CADPS: variants seen among roughly 807,000 people sequenced by gnomAD.
The protein encoded by CADPS is calcium dependent secretion activator.
CADPS carries 57 observed loss-of-function variants against 167.3 expected under a neutral mutation model. That is an observed-to-expected ratio of 0.34 (90% CI 0.28 to 0.42). CADPS has a LOEUF of 0.42. CADPS is among the 20% of genes least tolerant of loss of function. The probability of loss-of-function intolerance (pLI) is 1.00; values close to 1 mark genes in which losing one functional copy is unlikely to be tolerated. For synonymous variants in CADPS, 676 were observed against 635.3 expected (o/e 1.06, Z -0.96); for missense variants, 1,414 against 1,738.1 (o/e 0.81, Z 3.32).
intron 6 of CADPS, among the ~76,000 whole-genome samples, chr3:62,599,711 A>AATATACATAGT (rs2059494122): frequency 9.7e-5 from 4 of 41,372 alleles, no homozygotes; most frequent in Non-Finnish European, 1.5e-4. Context: ...TATATTATAT[A>AATATACATAGT]ATATATAATA....
At chr3:62,835,433 T>C (rs757470767) in intron 1 of CADPS, among the ~76,000 whole-genome samples, 7 of 152,194 alleles carry the variant, frequency 4.6e-5, no homozygotes, top group Non-Finnish European at 8.8e-5. Context: ...TCACGATGTG[T>C]CTGCAAAATG....
At chr3:62,789,918 T>C (rs2092786284) in intron 1 of CADPS, among the ~76,000 whole-genome samples, 1 of 152,120 alleles carries the variant, frequency 6.6e-6, no homozygotes, top group South Asian at 2.1e-4. Context: ...GCCCACTATG[T>C]GTTTGGTCCT....
intron 28 of CADPS, among the ~76,000 whole-genome samples, chr3:62,426,863 C>T (rs894837202): frequency 2.7e-5 from 4 of 150,456 alleles, no homozygotes; most frequent in Admixed American, 6.6e-5. Context: ...GTCAGGAGAT[C>T]GAGACCATAC....
intron 1 of CADPS, among the ~76,000 whole-genome samples, chr3:62,771,137 C>G (rs1004304731): frequency 6.6e-6 from 1 of 152,166 alleles, no homozygotes; most frequent in Non-Finnish European, 1.5e-5. Flanking sequence ...GTCTTGTTTA[C>G]TGTTGTACTT....
chr3:62,661,349 G>T (rs1431159555), intron 4 of CADPS, among the ~76,000 whole-genome samples: 1 of 144,352 alleles, frequency 6.9e-6, no homozygotes, highest in Non-Finnish European at 1.5e-5. Flanking sequence ...TTTAAGTCAG[G>T]TACTGAAGGC....
At position 62,450,689 on chromosome 3, in the gene CADPS, G is replaced by A. The variant is rs376516758; in HGVS notation, c.3637-4892C>T. 5.9e-5 allele frequency among the ~76,000 whole-genome samples: 9 copies of A among 152,340 alleles called. No homozygotes were observed. The South Asian group carries it at 1.4e-3, about 25-fold the overall frequency. On this transcript the variant is annotated intron_variant, in intron 26 of 29. Transcript: ENST00000383710. ...TCCAGAGAGGCTGACGGAGGCTAAG[G>A]ATAAAATTGGGAAGAGCCGCTGTCA...
At chr3:62,568,784 T>C (rs998545420) in intron 9 of CADPS, among the ~76,000 whole-genome samples, 4 of 152,214 alleles carry the variant, frequency 2.6e-5, no homozygotes, top group Non-Finnish European at 5.9e-5. Context: ...CAACTTGGAT[T>C]TCTGGAACTA....
At chr3:62,505,867 A>C (rs2066586709) in intron 17 of CADPS, among the ~76,000 whole-genome samples, 1 of 152,144 alleles carries the variant, frequency 6.6e-6, no homozygotes, top group Admixed American at 6.6e-5. Flanking sequence ...TAGGTCATCA[A>C]ATATTGGTAG....
chr3:62,555,043 G>A (rs1308038179), intron 10 of CADPS, among the ~76,000 whole-genome samples: 5 of 152,238 alleles, frequency 3.3e-5, no homozygotes, highest in Admixed American at 1.3e-4. Context: ...GTGAGGCACC[G>A]CGCCTGGCCA....
At chr3:62,541,824 T>C (rs2075744989) in intron 11 of CADPS, among the ~76,000 whole-genome samples, 1 of 152,152 alleles carries the variant, frequency 6.6e-6, no homozygotes, top group Non-Finnish European at 1.5e-5. Context: ...GAAAACCATA[T>C]ACTATTTTTC....
intron 3 of CADPS, among the ~76,000 whole-genome samples, chr3:62,728,378 A>T (rs912174312): frequency 6.6e-5 from 10 of 151,772 alleles, no homozygotes; most frequent in Non-Finnish European, 1.5e-4. Context: ...TAATTAGGAA[A>T]ATTTTTTCTA....
intron 24 of CADPS, chr3:62,467,326 G>T: frequency 1.6e-6 from 2 of 1,251,556 alleles, no homozygotes; most frequent in Non-Finnish European, 2.1e-6. Context: ...TCAGAAGGAT[G>T]ATTAATTAGG....
At position 62,677,435 on chromosome 3, in the gene CADPS, G is replaced by A. The variant is rs2076499951; in HGVS notation, c.889-15041C>T. Among the ~76,000 whole-genome samples the A allele has an allele frequency of 2.6e-5, 4 of 152,086 alleles. 1 individual carries two copies. Among genetic ancestry groups the A allele is most frequent in the Admixed American group, 2.0e-4 (3 of 15,264 alleles). ...AGTAGTTATTACTTGGATAGGGAAG[G>A]GGGAGCAATTTTGTCCCTAGGAAAT... On this transcript the variant is annotated intron_variant, in intron 3 of 29. Coordinates refer to ENST00000383710, the MANE Select transcript of CADPS (RefSeq NM_003716.4).
intron 1 of CADPS, among the ~76,000 whole-genome samples, chr3:62,818,347 A>G (rs2094725899): frequency 6.6e-6 from 1 of 152,158 alleles, no homozygotes; most frequent in African/African-American, 2.4e-5. Context: ...TCAATAGCAA[A>G]AAGTCCAATC....
At chr3:62,642,110 G>GAAA (rs34341701) in intron 6 of CADPS, among the ~76,000 whole-genome samples, 7 of 145,704 alleles carry the variant, frequency 4.8e-5, no homozygotes, top group East Asian at 4.0e-4. Flanking sequence ...GGCTATACTT[G>GAAA]AAAAAAAAAA....
chr3:62,671,922 C>T (rs1408992084), intron 3 of CADPS, among the ~76,000 whole-genome samples: 1 of 152,014 alleles, frequency 6.6e-6, no homozygotes, highest in Non-Finnish European at 1.5e-5. Context: ...GCCACCACGC[C>T]TGACTAATTT....
At chr3:62,617,346 G>GA (rs963143487) in intron 6 of CADPS, among the ~76,000 whole-genome samples, 30 of 151,990 alleles carry the variant, frequency 2.0e-4, no homozygotes, top group Admixed American at 9.2e-4. Flanking sequence ...CTTAAGAATG[G>GA]AAAAAAAATA....
intron 1 of CADPS, among the ~76,000 whole-genome samples, chr3:62,804,774 T>C (rs2093988195): frequency 6.6e-6 from 1 of 152,132 alleles, no homozygotes; most frequent in African/African-American, 2.4e-5. Flanking sequence ...ATATTTTATC[T>C]TTATTTATTT....
intron 28 of CADPS, among the ~76,000 whole-genome samples, chr3:62,431,652 G>T (rs1341143948): frequency 6.6e-6 from 1 of 151,690 alleles, no homozygotes; most frequent in East Asian, 1.9e-4. Context: ...AAAAGGGCCA[G>T]TGCTGGTTCA....
Sources: allele counts gnomAD v4.1 joint callset (sites outside exome capture counted in the v4.1 genomes callset), GRCh38; gene constraint gnomAD v4.1.1; transcripts MANE v1.5; gene names NCBI Gene and HGNC (gene_info 2026-07-23, HGNC 2026-07-21).